The following TFCP2 variants were observed in gnomAD, a reference collection of about 807,000 sequenced individuals.
TFCP2 encodes alpha-globin transcription factor CP2.
Under a neutral mutation model 73.4 loss-of-function variants are expected in TFCP2, and 33 were observed. The ratio of observed to expected loss-of-function variants is 0.45; its 90% CI spans 0.34 to 0.60. The LOEUF (loss-of-function observed/expected upper bound fraction) is 0.60, where lower values mean the gene tolerates loss of function less well. Among genes scored for constraint, TFCP2 ranks in the 20% least tolerant of loss-of-function variants. The pLI, the probability that TFCP2 is intolerant of heterozygous loss-of-function variation, is 0.01. For missense variants in TFCP2, 352 were observed against 604.0 expected (o/e 0.58, Z 4.37); for synonymous variants, 193 against 211.6 (o/e 0.91, Z 0.76).
chr12:51,149,083 T>C (rs1292991877), intron 1 of TFCP2, among the ~76,000 whole-genome samples: 3 of 146,002 alleles, frequency 2.1e-5, no homozygotes, highest in African/African-American at 7.5e-5. Context: ...CATAGAATAT[T>C]ACTCAGCCAT....
intron 1 of TFCP2, among the ~76,000 whole-genome samples, chr12:51,132,355 G>GTTTTT (rs1276335598): frequency 1.4e-4 from 3 of 21,464 alleles, no homozygotes; most frequent in Admixed American, 6.8e-4. Flanking sequence ...TTAGGGATTA[G>GTTTTT]TCTTTTTTTT....
At chr12:51,142,293 A>G (rs1941213012) in intron 1 of TFCP2, among the ~76,000 whole-genome samples, 1 of 151,900 alleles carries the variant, frequency 6.6e-6, no homozygotes. Flanking sequence ...AGTCAAGACA[A>G]TGCTGCTACC....
At chr12:51,100,574 A>C (rs370121049) in intron 11 of TFCP2, among the ~76,000 whole-genome samples, 1 of 152,214 alleles carries the variant, frequency 6.6e-6, no homozygotes, top group East Asian at 1.9e-4. Flanking sequence ...CCAGCACTTT[A>C]GGAAGGCGAG....
In TFCP2 at chr12:51,172,440, C is replaced by T. The variant is rs1169449209; in HGVS notation, c.-18G>A. Reference sequence around the variant, plus strand: ...CAGGCCATCCTGGCTCCTTCCTTGCCCCAGGAGACACCGTGTCTTGTACAA... The same window carrying T: ...CAGGCCATCCTGGCTCCTTCCTTGCTCCAGGAGACACCGTGTCTTGTACAA... On this transcript the variant is annotated 5_prime_UTR_variant, in exon 1 of 15. Transcript: ENST00000257915. The T allele has an allele frequency of 6.2e-7, 1 of 1,613,642 alleles. No individual in the cohort carries two copies.
At chr12:51,167,069 A>G (rs914589404) in intron 1 of TFCP2, among the ~76,000 whole-genome samples, 1 of 152,200 alleles carries the variant, frequency 6.6e-6, no homozygotes, top group Non-Finnish European at 1.5e-5. Context: ...AAATGGAATC[A>G]TATGTATGTG....
intron 1 of TFCP2, among the ~76,000 whole-genome samples, chr12:51,156,326 T>G (rs978058612): frequency 4.0e-5 from 6 of 148,344 alleles, no homozygotes; most frequent in Non-Finnish European, 7.5e-5. Context: ...GTATGTCACA[T>G]GGCAACAGAG....
intron 1 of TFCP2, among the ~76,000 whole-genome samples, chr12:51,123,822 T>G (rs975375608): frequency 1.3e-5 from 2 of 152,164 alleles, no homozygotes; most frequent in African/African-American, 4.8e-5. Context: ...TTTTGTTTTG[T>G]GAAATAAAAA....
At chr12:51,159,925 T>G (rs1941613693) in intron 1 of TFCP2, among the ~76,000 whole-genome samples, 1 of 152,150 alleles carries the variant, frequency 6.6e-6, no homozygotes, top group African/African-American at 2.4e-5. Flanking sequence ...TGCTAAGCGC[T>G]GAAACTGACT....
At chr12:51,158,937 G>A (rs1385820851) in intron 1 of TFCP2, among the ~76,000 whole-genome samples, 1 of 149,252 alleles carries the variant, frequency 6.7e-6, no homozygotes, top group Non-Finnish European at 1.5e-5. Context: ...GCCGAGGCGG[G>A]AGAATCACAA....
At chr12:51,109,749 G>A (rs1002344991) in intron 5 of TFCP2, among the ~76,000 whole-genome samples, 1 of 131,124 alleles carries the variant, frequency 7.6e-6, no homozygotes, top group Non-Finnish European at 1.6e-5. Context: ...ACTAAGTTTT[G>A]CTCTTGTCAC....
In TFCP2 at chr12:51,119,523, G is replaced by A. The variant is rs368011193; in HGVS notation, c.123-751C>T. On this transcript the variant is annotated intron_variant, in intron 1 of 14. Transcript: ENST00000257915. ...CCCAGCAATTTGGGAGGCCGAGGTG[G>A]GCGGATCACCTGAGGTCCGGAGGTG... is the stretch of plus-strand genomic sequence containing the variant. Among the ~76,000 whole-genome samples the A allele has an allele frequency of 4.8e-4, 73 of 152,260 alleles. No individual in the cohort carries two copies. The South Asian group carries it at 5.8e-3, about 12-fold the overall frequency.
intron 1 of TFCP2, among the ~76,000 whole-genome samples, chr12:51,159,591 T>C (rs1185068233): frequency 6.6e-6 from 1 of 152,008 alleles, no homozygotes; most frequent in Non-Finnish European, 1.5e-5. Context: ...GCGCTGGGAT[T>C]GCAGGCGTGA....
intron 1 of TFCP2, among the ~76,000 whole-genome samples, chr12:51,159,339 A>AT (rs1461563550): frequency 3.3e-5 from 5 of 149,954 alleles, no homozygotes; most frequent in African/African-American, 1.3e-4. Flanking sequence ...TTTTTAATTT[A>AT]TTTTTTATTT....
intron 1 of TFCP2, among the ~76,000 whole-genome samples, chr12:51,167,399 AT>A (rs35752302): frequency 0.8 from 119,951 of 149,688 alleles, 48,696 homozygotes; most frequent in Non-Finnish European, 0.89. Context: ...ACTGATTGAC[AT>A]TTTTTTTTTT....
In TFCP2 at chr12:51,118,575, A is replaced by C. The variant is rs780929489; in HGVS notation, c.274+46T>G. 5 of 1,587,422 alleles carry C rather than the reference A, an allele frequency of 3.1e-6. No homozygotes were observed. In the African/African-American group the frequency reaches 6.8e-5, roughly 22 times the overall value. On this transcript the variant is annotated intron_variant, in intron 2 of 14. Coordinates refer to ENST00000257915, the MANE Select transcript of TFCP2 (RefSeq NM_005653.5). The stretch of plus-strand genomic sequence containing the variant: ...AAACAAACAAACAAAAAAATCATAA[A>C]TACAGTAGGTCTGCAATAGTACTAA...
At chr12:51,098,351 C>A (rs909077286) in intron 13 of TFCP2, among the ~76,000 whole-genome samples, 1 of 152,020 alleles carries the variant, frequency 6.6e-6, no homozygotes, top group African/African-American at 2.4e-5. Context: ...TAGGACCAGG[C>A]GCAGTGGCTC....
intron 1 of TFCP2, among the ~76,000 whole-genome samples, chr12:51,128,901 CTT>C (rs1414026643): frequency 1.3e-5 from 2 of 152,106 alleles, no homozygotes; most frequent in Non-Finnish European, 2.9e-5. Flanking sequence ...ACATAATCAA[CTT>C]TTTAAGTAAT....
intron 1 of TFCP2, among the ~76,000 whole-genome samples, chr12:51,150,671 A>C (rs192032993): frequency 1.3e-4 from 20 of 152,328 alleles, no homozygotes; most frequent in Admixed American, 6.5e-4. Context: ...GAAGAAAAAA[A>C]GTACTGAAAA....
At chr12:51,153,696 A>G (rs1941477650) in intron 1 of TFCP2, among the ~76,000 whole-genome samples, 2 of 152,198 alleles carry the variant, frequency 1.3e-5, no homozygotes, top group African/African-American at 2.4e-5. Flanking sequence ...TAATGTCCCA[A>G]AGTTTATCCA....
Sources: gnomAD v4.1 joint callset for allele counts (sites outside exome capture counted in the v4.1 genomes callset) on GRCh38, gnomAD v4.1.1 for gene constraint, MANE v1.5 for transcripts, NCBI Gene and HGNC (gene_info 2026-07-23, HGNC 2026-07-21) for gene names.